Variants in CGGBP1 observed in about 807,000 individuals in gnomAD.
The protein encoded by CGGBP1 is CGG triplet repeat binding protein 1.
In CGGBP1, 4 loss-of-function variants were observed where a neutral mutation model predicts 11.4. That is an observed-to-expected ratio of 0.35 (90% CI 0.17 to 0.80). The LOEUF (loss-of-function observed/expected upper bound fraction) is 0.80. CGGBP1 is among the 30% of genes least tolerant of loss of function. CGGBP1 has a pLI of 0.52. For synonymous variants in CGGBP1, 76 were observed against 74.1 expected (o/e 1.03, Z -0.13); for missense variants, 135 against 202.1 (o/e 0.67, Z 2.01).
chr3:88,093,382 T>C (rs1703863868), intron 2 of CGGBP1, among the ~76,000 whole-genome samples: 1 of 152,178 alleles, frequency 6.6e-6, no homozygotes, highest in Admixed American at 6.5e-5. Context: ...CAACAGAAAG[T>C]AAATGTTCAT....
rs1346151240 is a variant in CGGBP1 at position 88,113,040 on chromosome 3, T to C, written c.-229+27930A>G. The C allele has an allele frequency of 3.0e-6, 3 of 988,214 alleles. No individual in the cohort carries two copies. The Admixed American group carries it at 7.1e-5, about 24-fold the overall frequency. The allele number at this position is 988,214 out of a possible 1,614,324, so 61.2% of individuals were successfully genotyped here. A position where few individuals can be genotyped will look rare whatever the true frequency, so the allele number is the denominator to read the frequency against. On this transcript the variant is annotated intron_variant, in intron 2 of 3. Coordinates refer to the CGGBP1 transcript ENST00000462901. ...AAGTCAAATATTGATATTAGATAGC[T>C]GATACTGTTTGATAATCTTTTAATT...
At chr3:88,107,996 T>G (rs1196669997) in intron 2 of CGGBP1, among the ~76,000 whole-genome samples, 2 of 152,094 alleles carry the variant, frequency 1.3e-5, no homozygotes, top group Non-Finnish European at 2.9e-5. Context: ...CATTTTTTTT[T>G]GTTTATATTG....
At chr3:88,066,158 T>C (rs773790561) in intron 2 of CGGBP1, among the ~76,000 whole-genome samples, 3 of 152,250 alleles carry the variant, frequency 2.0e-5, no homozygotes, top group African/African-American at 7.2e-5. Context: ...AATAAACTTA[T>C]GAAAATCATT....
At chr3:88,075,820 A>G (rs1707770820) in intron 2 of CGGBP1, among the ~76,000 whole-genome samples, 1 of 151,866 alleles carries the variant, frequency 6.6e-6, no homozygotes, top group Admixed American at 6.6e-5. Flanking sequence ...AATGTTAGAG[A>G]AGGAAAGTCA....
At chr3:88,129,119 C>T in intron 2 of CGGBP1, 1 of 761,746 alleles carries the variant, frequency 1.3e-6, no homozygotes, top group Non-Finnish European at 2.0e-6. Context: ...ACAGTAATGC[C>T]AAAGATTTAA....
At chr3:88,139,810 A>C in intron 2 of CGGBP1, 1 of 1,560,070 alleles carries the variant, frequency 6.4e-7, no homozygotes, top group South Asian at 1.2e-5. Flanking sequence ...GAAGAAGATG[A>C]TTATGACCTG....
At chr3:88,129,412 G>C (rs1285093288) in intron 2 of CGGBP1, among the ~76,000 whole-genome samples, 1 of 143,176 alleles carries the variant, frequency 7.0e-6, no homozygotes, top group African/African-American at 2.6e-5. Context: ...TGTTTATTTT[G>C]TTTCTTAAGG....
At chr3:88,064,548 C>T (rs966272379) in intron 2 of CGGBP1, among the ~76,000 whole-genome samples, 5 of 152,016 alleles carry the variant, frequency 3.3e-5, no homozygotes, top group African/African-American at 1.2e-4. Flanking sequence ...GTATGTGGTA[C>T]CTCAAATTCC....
chr3:88,099,931 A>C lies in CGGBP1; in HGVS notation c.-229+41039T>G, dbSNP rs531593240. On this transcript the variant is annotated intron_variant, in intron 2 of 3. Transcript: ENST00000462901. ...AGGCATGGGCAAGGACTTCATGACT[A>C]AAACACCAAAGGCAATGGCAACAAA... Among the ~76,000 whole-genome samples the C allele has an allele frequency of 6.9e-4, 105 of 152,338 alleles. 1 individual carries two copies. The highest frequency in any genetic ancestry group is 1.4e-3 in the Non-Finnish European group (98 of 68,028).
At chr3:88,117,246 T>C (rs2107784419) in intron 2 of CGGBP1, among the ~76,000 whole-genome samples, 1 of 152,288 alleles carries the variant, frequency 6.6e-6, no homozygotes, top group East Asian at 1.9e-4. Flanking sequence ...CTTACAGACA[T>C]AACTTGATTC....
intron 1 of CGGBP1, among the ~76,000 whole-genome samples, chr3:88,148,865 T>C (rs1280057960): frequency 3.3e-5 from 5 of 152,162 alleles, no homozygotes; most frequent in Non-Finnish European, 5.9e-5. Context: ...GGTCTCGAAC[T>C]CCTGGCCTCT....
At chr3:88,123,446 C>T (rs1371503574) in intron 2 of CGGBP1, among the ~76,000 whole-genome samples, 1 of 152,010 alleles carries the variant, frequency 6.6e-6, no homozygotes, top group African/African-American at 2.4e-5. Context: ...ATAATGTAAT[C>T]ATTTATGGGA....
chr3:88,129,153 T>C (rs1706288403), intron 2 of CGGBP1: 2 of 608,802 alleles, frequency 3.3e-6, no homozygotes, highest in Admixed American at 3.3e-5. Flanking sequence ...TGGATGTGTT[T>C]TCTTTTGGCA....
intron 2 of CGGBP1, among the ~76,000 whole-genome samples, chr3:88,122,953 T>C (rs923480506): frequency 3.4e-5 from 5 of 147,820 alleles, no homozygotes; most frequent in African/African-American, 1.3e-4. Flanking sequence ...GAGGTTGCAG[T>C]GAGCCAAGGT....
chr3:88,149,251 T>C (rs1707362983), intron 1 of CGGBP1, among the ~76,000 whole-genome samples: 4 of 152,096 alleles, frequency 2.6e-5, no homozygotes, highest in Non-Finnish European at 5.9e-5. Context: ...CTCCACTAGA[T>C]CCACTTCCAT....
chr3:88,083,213 T>C (rs1003186272), intron 2 of CGGBP1, among the ~76,000 whole-genome samples: 4 of 152,194 alleles, frequency 2.6e-5, no homozygotes, highest in South Asian at 2.1e-4. Context: ...AAATGAACTT[T>C]AGGAAGACAA....
intron 2 of CGGBP1, among the ~76,000 whole-genome samples, chr3:88,107,270 C>T (rs1195653115): frequency 6.6e-6 from 1 of 152,124 alleles, no homozygotes; most frequent in East Asian, 1.9e-4. Flanking sequence ...TGTGTTTTTG[C>T]TGTATTTTTA....
chr3:88,124,015 T>C (rs1705933642), intron 2 of CGGBP1, among the ~76,000 whole-genome samples: 1 of 152,336 alleles, frequency 6.6e-6, no homozygotes, highest in East Asian at 1.9e-4. Flanking sequence ...TCAATACCTT[T>C]ATATTTACCC....
At chr3:88,097,375 T>A (rs1022920662) in intron 2 of CGGBP1, among the ~76,000 whole-genome samples, 3 of 151,464 alleles carry the variant, frequency 2.0e-5, no homozygotes, top group East Asian at 1.9e-4. Flanking sequence ...TTTTTTTTTT[T>A]AAATAATGGG....
Sources: allele counts gnomAD v4.1 joint callset (sites outside exome capture counted in the v4.1 genomes callset), GRCh38; gene constraint gnomAD v4.1.1; transcripts MANE v1.5; gene names NCBI Gene and HGNC (gene_info 2026-07-23, HGNC 2026-07-21).